The following PLCG2 variants were observed in gnomAD, a reference collection of about 807,000 sequenced individuals.
The protein encoded by PLCG2 is phospholipase C gamma 2.
A neutral mutation model predicts 175.6 loss-of-function variants in PLCG2; 69 were observed. That is an observed-to-expected ratio of 0.39 (90% confidence interval 0.32 to 0.48). PLCG2 has a LOEUF of 0.48. Among genes scored for constraint, PLCG2 ranks in the 20% least tolerant of loss-of-function variants. PLCG2 has a pLI of 0.91. For missense variants in PLCG2, 1,798 were observed against 1,650.9 expected (o/e 1.09, Z -1.54); for synonymous variants, 827 against 624.0 (o/e 1.33, Z -4.85).
intron 7 of PLCG2, among the ~76,000 whole-genome samples, chr16:81,873,294 C>G (rs1029852532): frequency 6.6e-6 from 1 of 152,262 alleles, no homozygotes; most frequent in East Asian, 1.9e-4. Flanking sequence ...ATCCCCTCTC[C>G]TTTAGACAGG....
chr16:81,939,712 G>T (rs1281422135), intron 29 of PLCG2, among the ~76,000 whole-genome samples, 180 bp from the exon 30 acceptor site: 1 of 152,206 alleles, frequency 6.6e-6, no homozygotes, highest in Non-Finnish European at 1.5e-5. Context: ...CAGCTTCCAG[G>T]ATTGCTCAAG....
At position 81,959,476 on chromosome 16, in the gene PLCG2, C is replaced by T. The variant is rs1911701834; in HGVS notation, c.*1478C>T. ...GATGTTTAAACAAAAAGCTGTGGGT[C>T]TCATCAATCATCTCCATCCACAAGC... On this transcript the variant is annotated 3_prime_UTR_variant, in exon 33 of 33. Transcript: ENST00000564138. 4.6e-6 allele frequency: 1 copy of T among 215,740 alleles called. No individual in the cohort carries two copies. The highest frequency in any genetic ancestry group is 5.8e-5 in the Admixed American group (1 of 17,150). 13.4% of individuals were successfully genotyped at this position (215,740 alleles called of 1,614,324 possible). A position where few individuals can be genotyped will look rare whatever the true frequency, so the allele number is the denominator to read the frequency against.
intron 2 of PLCG2, among the ~76,000 whole-genome samples, chr16:81,849,224 C>A (rs138393877): frequency 1.3e-5 from 2 of 152,152 alleles, no homozygotes; most frequent in Admixed American, 6.5e-5. Context: ...GTGGGGATAA[C>A]GTACTGCTTT....
At chr16:81,883,186 G>A in intron 8 of PLCG2, 83 bp from the exon 9 acceptor site, 2 of 1,207,852 alleles carry the variant, frequency 1.7e-6, no homozygotes, top group Non-Finnish European at 1.2e-6. Context: ...TGGGTGGCAG[G>A]CTGCCCCATT....
Position 81,883,479 on chromosome 16 carries a change from C to A in PLCG2, c.765+138C>A, listed in dbSNP as rs1033229037. ...CTGTGCTCACCTGGCCACCTGTCTT[C>A]ATGGAACGATTGCAGTCTGCCAGAT... On this transcript the variant is annotated intron_variant, in intron 9 of 32. Transcript: ENST00000564138. 5.0e-5 allele frequency: 33 copies of A among 662,204 alleles called. No homozygotes were observed. In the Admixed American group the frequency reaches 6.9e-4, roughly 14 times the overall value. The allele number at this position is 662,204 out of a possible 1,614,324, so 41.0% of individuals were successfully genotyped here.
chr16:81,855,114 G>C (rs73592942), intron 3 of PLCG2, among the ~76,000 whole-genome samples: 2 of 150,236 alleles, frequency 1.3e-5, no homozygotes, highest in Non-Finnish European at 2.9e-5. Flanking sequence ...AAAGGCTGAG[G>C]CACAAGAATT....
chr16:81,876,303 A>G (rs1261745029), intron 7 of PLCG2, among the ~76,000 whole-genome samples: 1 of 152,118 alleles, frequency 6.6e-6, no homozygotes, highest in African/African-American at 2.4e-5. Context: ...GATTATAGAC[A>G]TGAGCCACTG....
At chr16:81,896,686 C>T (rs960792077) in intron 13 of PLCG2, among the ~76,000 whole-genome samples, 1 of 152,190 alleles carries the variant, frequency 6.6e-6, no homozygotes, top group South Asian at 2.1e-4. Flanking sequence ...TCACCCCCAC[C>T]AAACCTGTTT....
At chr16:81,891,437 C>A (rs562264835) in intron 10 of PLCG2, 35 bp from the exon 11 acceptor site, 2 of 1,149,082 alleles carry the variant, frequency 1.7e-6, no homozygotes, top group Admixed American at 3.4e-5. Context: ...TGCCCGTCAA[C>A]GTGATGATTC....
chr16:81,765,938 G>C (rs940238789), intron 2 of PLCG2, among the ~76,000 whole-genome samples: 1 of 152,230 alleles, frequency 6.6e-6, no homozygotes, highest in Non-Finnish European at 1.5e-5. Flanking sequence ...TATTGACGGG[G>C]GACCCAGGTA....
At chr16:81,901,507 G>A (rs575158507) in intron 14 of PLCG2, among the ~76,000 whole-genome samples, 8 of 152,282 alleles carry the variant, frequency 5.3e-5, no homozygotes, top group African/African-American at 1.9e-4. Flanking sequence ...CATCTCTCAG[G>A]GCAGCAGTTT....
chr16:81,874,804 C>G (rs1567510207), intron 7 of PLCG2, among the ~76,000 whole-genome samples: 1 of 152,138 alleles, frequency 6.6e-6, no homozygotes, highest in East Asian at 1.9e-4. Context: ...TTGGCAGCAG[C>G]AGGAGGATAA....
At chr16:81,752,242 G>C (rs926877830) in intron 1 of PLCG2, among the ~76,000 whole-genome samples, 2 of 151,906 alleles carry the variant, frequency 1.3e-5, no homozygotes, top group Admixed American at 1.3e-4. Context: ...ACAATTCTAG[G>C]GTGTTTTTAG....
At chr16:81,777,639 T>C (rs1419625001), upstream of PLCG2, among the ~76,000 whole-genome samples, 2 of 128,052 alleles carry the variant, frequency 1.6e-5, no homozygotes, top group African/African-American at 6.3e-5. Flanking sequence ...AAGAAATGAA[T>C]CCACAGATCT....
At chr16:81,883,373 G>A (rs766599406) in intron 9 of PLCG2, 32 bp downstream of exon 9, 33 of 1,566,190 alleles carry the variant, frequency 2.1e-5, no homozygotes, top group Admixed American at 8.3e-5. Flanking sequence ...GTGCCTGAGG[G>A]AGCTGGCGGG....
Position 81,903,102 on chromosome 16 carries a change from T to C in PLCG2, c.1363-2301T>C, listed in dbSNP as rs143433272. ...GCTACCATCTCCAAATACCATTACATTGGGGATTAGGTTTCAACATATAAA... is the reference window on the plus strand; with the variant it reads ...GCTACCATCTCCAAATACCATTACACTGGGGATTAGGTTTCAACATATAAA... On this transcript the variant is annotated intron_variant, in intron 14 of 32. Coordinates refer to ENST00000564138, the MANE Select transcript of PLCG2 (RefSeq NM_002661.5). Among the ~76,000 whole-genome samples the C allele has an allele frequency of 8.5e-5, 13 of 152,148 alleles. No homozygotes were observed. In the South Asian group the frequency reaches 1.0e-3, roughly 12 times the overall value.
At chr16:81,788,447 A>C (rs1247485108) in intron 2 of PLCG2, among the ~76,000 whole-genome samples, 1 of 151,988 alleles carries the variant, frequency 6.6e-6, no homozygotes, top group Non-Finnish European at 1.5e-5. Context: ...CGCCCGGCTA[A>C]TTTTTTGTAT....
Position 81,937,839 on chromosome 16 carries a change from C to G in PLCG2, c.3134C>G (p.Thr1045Arg). ...GTTCTGCAGCCTGAGAGCATGAGGA[C>G]AGAGAAATATGACCCGATGCCACCC... ...GYVLQPESMR[T>R]EKYDPMPPES... Residue 1045 changes from threonine (T) to arginine (R), a missense_variant, in exon 28 of 33, where the codon ACA (threonine) becomes AGA (arginine). Coordinates refer to ENST00000564138, the MANE Select transcript of PLCG2 (RefSeq NM_002661.5). 6.2e-7 allele frequency: 1 copy of G among 1,613,994 alleles called. No homozygotes were observed. Among genetic ancestry groups the G allele is most frequent in the Non-Finnish European group, 8.5e-7 (1 of 1,179,882 alleles).
At chr16:81,836,475 T>C (rs1905523275) in intron 2 of PLCG2, among the ~76,000 whole-genome samples, 1 of 152,202 alleles carries the variant, frequency 6.6e-6, no homozygotes, top group African/African-American at 2.4e-5. Context: ...GCAAGGTGAC[T>C]CATGCCTGTA....
Sources: allele counts gnomAD v4.1 joint callset (sites outside exome capture counted in the v4.1 genomes callset), GRCh38; gene constraint gnomAD v4.1.1; transcripts MANE v1.5; gene names NCBI Gene and HGNC (gene_info 2026-07-23, HGNC 2026-07-21).